The following LYPD6 variants were observed in gnomAD, a reference collection of about 807,000 sequenced individuals.
LYPD6 encodes ly6/PLAUR domain-containing protein 6.
A neutral mutation model predicts 22.7 loss-of-function variants in LYPD6; 15 were observed. The observed-to-expected ratio is 0.66, with a 90% CI of 0.44 to 1.02. The LOEUF (loss-of-function observed/expected upper bound fraction) is 1.02. Ranked by LOEUF, LYPD6 falls within the 50% of genes least tolerant of loss-of-function variation. The pLI is 0.00. For missense variants in LYPD6, 189 were observed against 208.4 expected (o/e 0.91, Z 0.57); for synonymous variants, 72 against 77.5 (o/e 0.93, Z 0.37).
intron 3 of LYPD6, among the ~76,000 whole-genome samples, chr2:149,455,404 GCCCACCACCACA>G (rs1680934893): frequency 6.6e-6 from 1 of 151,472 alleles, no homozygotes; most frequent in South Asian, 2.1e-4. Flanking sequence ...GACTACAGGC[GCCCACCACCACA>G]CCCAACTAAT....
At chr2:149,438,697 A>T (rs1293435934) in intron 2 of LYPD6, among the ~76,000 whole-genome samples, 1 of 152,248 alleles carries the variant, frequency 6.6e-6, no homozygotes, top group African/African-American at 2.4e-5. Context: ...CTTGCTTTTG[A>T]GGATCACATA....
At chr2:149,441,911 A>C (rs1044194231) in intron 2 of LYPD6, among the ~76,000 whole-genome samples, 24 of 152,174 alleles carry the variant, frequency 1.6e-4, no homozygotes, top group Admixed American at 1.3e-3. Context: ...ATCTTTCCTT[A>C]ATCATGTACA....
At chr2:149,373,902 T>C (rs531918149) in intron 1 of LYPD6, among the ~76,000 whole-genome samples, 2 of 152,322 alleles carry the variant, frequency 1.3e-5, no homozygotes, top group Non-Finnish European at 2.9e-5. Context: ...TGAAAGACAT[T>C]GAAGATAGAA....
intron 1 of LYPD6, among the ~76,000 whole-genome samples, chr2:149,423,777 TG>T (rs1683133577): frequency 2.5e-5 from 2 of 80,630 alleles, no homozygotes; most frequent in South Asian, 5.2e-4. Flanking sequence ...GGGCGGGGGG[TG>T]GGGGGTGTCA....
At chr2:149,364,463 T>A (rs895892206) in intron 1 of LYPD6, among the ~76,000 whole-genome samples, 2 of 152,118 alleles carry the variant, frequency 1.3e-5, no homozygotes, top group Admixed American at 6.6e-5. Flanking sequence ...CCTGACTTTT[T>A]ACAGCATCTT....
At chr2:149,484,012 A>C in the LYPD6 span, among the ~76,000 whole-genome samples, 1 of 152,182 alleles carries the variant, frequency 6.6e-6, no homozygotes, top group African/African-American at 2.4e-5. Flanking sequence ...ATTTCTTCAC[A>C]TTGTGTTGAG....
chr2:149,330,932 G>A (rs931083225), intron 1 of LYPD6, among the ~76,000 whole-genome samples: 2 of 152,200 alleles, frequency 1.3e-5, no homozygotes, highest in African/African-American at 2.4e-5. Context: ...GAGTAGCCTG[G>A]ACGGGTCCAG....
intron 1 of LYPD6, among the ~76,000 whole-genome samples, chr2:149,342,372 A>G (rs944731879): frequency 6.6e-6 from 1 of 152,188 alleles, no homozygotes; most frequent in East Asian, 1.9e-4. Context: ...GAAAATAATC[A>G]TTCCCCATTT....
intron 1 of LYPD6, among the ~76,000 whole-genome samples, chr2:149,404,930 G>A (rs2105113732): frequency 6.6e-6 from 1 of 152,236 alleles, no homozygotes; most frequent in South Asian, 2.1e-4. Flanking sequence ...TTGATTGAGA[G>A]TTTTTAGCAT....
At chr2:149,450,799 C>T (rs562047084) in intron 3 of LYPD6, among the ~76,000 whole-genome samples, 2 of 152,160 alleles carry the variant, frequency 1.3e-5, no homozygotes, top group African/African-American at 2.4e-5. Context: ...TTGTTCCCAG[C>T]GATTCATATT....
intron 2 of LYPD6, among the ~76,000 whole-genome samples, chr2:149,445,333 C>T (rs998193604): frequency 2.0e-5 from 3 of 152,190 alleles, no homozygotes; most frequent in Admixed American, 2.0e-4. Context: ...GATAAATTAG[C>T]ATTGGCTTCA....
Position 149,449,250 on chromosome 2 carries a change from C to T in LYPD6, c.217+103C>T. Reference sequence around the variant, plus strand: ...AAGAGAGGCATGCTTGCAATCTCAGCTGCTCCTCTTGTCTAAGGCTATTAG... The same window carrying T: ...AAGAGAGGCATGCTTGCAATCTCAGTTGCTCCTCTTGTCTAAGGCTATTAG... On this transcript the variant is annotated intron_variant, in intron 3 of 4. Coordinates refer to ENST00000334166, the MANE Select transcript of LYPD6 (RefSeq NM_194317.5). The T allele has an allele frequency of 2.9e-6, 2 of 688,932 alleles. 1 individual carries two copies. Among genetic ancestry groups the T allele is most frequent in the South Asian group, 3.7e-5 (2 of 53,832 alleles). 42.7% of individuals were successfully genotyped at this position (688,932 alleles called of 1,614,324 possible). A position where few individuals can be genotyped will look rare whatever the true frequency, so the allele number is the denominator to read the frequency against.
At chr2:149,469,418 G>A (rs1052177555) in intron 4 of LYPD6, among the ~76,000 whole-genome samples, 1 of 152,146 alleles carries the variant, frequency 6.6e-6, no homozygotes, top group Non-Finnish European at 1.5e-5. Context: ...CTCTATACGT[G>A]TGTCTATACA....
intron 3 of LYPD6, among the ~76,000 whole-genome samples, chr2:149,468,434 G>A (rs1011979663): frequency 1.3e-5 from 2 of 152,190 alleles, no homozygotes; most frequent in Non-Finnish European, 2.9e-5. Flanking sequence ...GCTGGGCAGA[G>A]AAATCAATAT....
intron 1 of LYPD6, among the ~76,000 whole-genome samples, chr2:149,357,839 G>A (rs1188889419): frequency 6.8e-6 from 1 of 146,922 alleles, no homozygotes; most frequent in African/African-American, 2.5e-5. Flanking sequence ...AGGCTGGAGT[G>A]CAGTGGCACA....
At chr2:149,441,151 C>T (rs1364599172) in intron 2 of LYPD6, among the ~76,000 whole-genome samples, 2 of 152,042 alleles carry the variant, frequency 1.3e-5, no homozygotes, top group Non-Finnish European at 2.9e-5. Context: ...GTAGTCTCTA[C>T]AAATAAGCAG....
intron 1 of LYPD6, among the ~76,000 whole-genome samples, chr2:149,389,103 A>T (rs1459049194): frequency 6.6e-6 from 1 of 151,950 alleles, no homozygotes; most frequent in Non-Finnish European, 1.5e-5. Context: ...CTAGAAGGTT[A>T]AAAAAAACCC....
chr2:149,433,969 TTTATTA>T (rs941247553), intron 1 of LYPD6, among the ~76,000 whole-genome samples: 2 of 152,082 alleles, frequency 1.3e-5, no homozygotes, highest in Admixed American at 6.6e-5. Context: ...ACCATTTCTT[TTTATTA>T]TTATTATTAT....
intron 1 of LYPD6, among the ~76,000 whole-genome samples, chr2:149,402,715 T>A (rs1033326727): frequency 1.3e-5 from 2 of 150,972 alleles, no homozygotes; most frequent in Non-Finnish European, 3.0e-5. Context: ...CTTAGCCCAC[T>A]TTTTTTTTAT....
Sources: allele counts gnomAD v4.1 joint callset (sites outside exome capture counted in the v4.1 genomes callset), GRCh38; gene constraint gnomAD v4.1.1; transcripts MANE v1.5; gene names NCBI Gene and HGNC (gene_info 2026-07-23, HGNC 2026-07-21).